The following HS3ST5 variants were observed in gnomAD, a reference collection of about 807,000 sequenced individuals.
HS3ST5 encodes heparan sulfate-glucosamine 3-sulfotransferase 5, also known as heparan sulfate glucosamine 3-O-sulfotransferase 5.
Under a neutral mutation model 25.4 loss-of-function variants are expected in HS3ST5, and 10 were observed. The ratio of observed to expected loss-of-function variants is 0.39; its 90% CI spans 0.24 to 0.67. HS3ST5 has a LOEUF of 0.67. Ranked by LOEUF, HS3ST5 falls within the 30% of genes least tolerant of loss-of-function variation. The pLI is 0.44. For synonymous variants in HS3ST5, 170 were observed against 162.4 expected, an observed-to-expected ratio of 1.05 and a Z score of -0.36; for missense variants, 324 against 420.7, an observed-to-expected ratio of 0.77 and a Z score of 2.01.
intron 1 of HS3ST5, among the ~76,000 whole-genome samples, chr6:114,292,551 G>A (rs1428542048): frequency 1.3e-5 from 2 of 152,088 alleles, no homozygotes; most frequent in Admixed American, 6.6e-5. Context: ...CACAGCAGAT[G>A]GATATTCAAA....
intron 2 of HS3ST5, among the ~76,000 whole-genome samples, chr6:114,182,527 T>C (rs1209540564): frequency 6.6e-6 from 1 of 152,148 alleles, no homozygotes; most frequent in Non-Finnish European, 1.5e-5. Flanking sequence ...TTTTCCTGTC[T>C]GCAAAAGGAG....
At chr6:114,341,765 TCCCAAAGCTG>T (rs1418529733) in intron 1 of HS3ST5, among the ~76,000 whole-genome samples, 2 of 151,896 alleles carry the variant, frequency 1.3e-5, no homozygotes, top group African/African-American at 4.8e-5. Context: ...GCCCCCACTG[TCCCAAAGCTG>T]CCCTCGCGCT....
intron 1 of HS3ST5, among the ~76,000 whole-genome samples, chr6:114,331,835 T>C (rs1776410110): frequency 6.6e-6 from 1 of 152,106 alleles, no homozygotes; most frequent in Admixed American, 6.5e-5. Flanking sequence ...AAGTTTTCCA[T>C]TTTGGTCATG....
At chr6:114,142,431 G>A (rs377531153) in intron 3 of HS3ST5, among the ~76,000 whole-genome samples, 2 of 152,118 alleles carry the variant, frequency 1.3e-5, no homozygotes, top group Middle Eastern at 3.2e-3. Flanking sequence ...CTCTGAATAC[G>A]GTCACGTGGC....
intron 1 of HS3ST5, among the ~76,000 whole-genome samples, chr6:114,312,591 T>C (rs1775575448): frequency 1.3e-5 from 2 of 152,230 alleles, no homozygotes; most frequent in East Asian, 3.9e-4. Context: ...TAAAGAAGAC[T>C]TGTTACAGAC....
chr6:114,299,702 C>T (rs926149921), intron 1 of HS3ST5, among the ~76,000 whole-genome samples: 1 of 152,106 alleles, frequency 6.6e-6, no homozygotes, highest in African/African-American at 2.4e-5. Context: ...GTAACACTAT[C>T]CAATAATTTA....
intron 3 of HS3ST5, among the ~76,000 whole-genome samples, chr6:114,128,079 CCTGAACTCA>C (rs1447359187): frequency 6.6e-6 from 1 of 151,882 alleles, no homozygotes. Flanking sequence ...CAGACTATAC[CCTGAACTCA>C]CTAAATCAGC....
intron 3 of HS3ST5, among the ~76,000 whole-genome samples, chr6:114,074,233 T>C (rs926061598): frequency 3.3e-5 from 5 of 151,738 alleles, no homozygotes; most frequent in African/African-American, 1.2e-4. Context: ...ACATGGCACA[T>C]GTATACCTAT....
chr6:114,282,743 A>G (rs1774172559), intron 1 of HS3ST5, among the ~76,000 whole-genome samples: 1 of 151,778 alleles, frequency 6.6e-6, no homozygotes, highest in South Asian at 2.1e-4. Flanking sequence ...CCTTTCTTCC[A>G]TTATTAAAGG....
intron 2 of HS3ST5, among the ~76,000 whole-genome samples, chr6:114,206,125 G>C (rs1781268471): frequency 6.6e-6 from 1 of 152,122 alleles, no homozygotes; most frequent in Non-Finnish European, 1.5e-5. Flanking sequence ...TATCACTCAG[G>C]AAATTCGAAC....
At chr6:114,160,483 T>C (rs1778895412) in intron 3 of HS3ST5, among the ~76,000 whole-genome samples, 1 of 152,116 alleles carries the variant, frequency 6.6e-6, no homozygotes, top group African/African-American at 2.4e-5. Context: ...CAACTACATT[T>C]AGAGAAAATA....
At chr6:114,079,835 G>A (rs899465073) in intron 3 of HS3ST5, among the ~76,000 whole-genome samples, 2 of 152,114 alleles carry the variant, frequency 1.3e-5, no homozygotes, top group African/African-American at 4.8e-5. Flanking sequence ...GCAATGGTGC[G>A]ATCTCAGCTC....
intron 2 of HS3ST5, among the ~76,000 whole-genome samples, chr6:114,173,225 C>T (rs779869732): frequency 2.0e-5 from 3 of 152,176 alleles, no homozygotes; most frequent in Non-Finnish European, 4.4e-5. Flanking sequence ...GGGAATTAAA[C>T]TTCCACAGAA....
intron 1 of HS3ST5, among the ~76,000 whole-genome samples, chr6:114,241,899 T>C (rs997833172): frequency 1.3e-5 from 2 of 152,228 alleles, no homozygotes; most frequent in African/African-American, 4.8e-5. Context: ...ATAATGACTA[T>C]GCAATTTAAA....
intron 2 of HS3ST5, among the ~76,000 whole-genome samples, chr6:114,222,509 C>T (rs1295626215): frequency 6.6e-6 from 1 of 151,902 alleles, no homozygotes; most frequent in East Asian, 1.9e-4. Flanking sequence ...CATCAGAACA[C>T]TCACATCAAG....
At chr6:114,280,957 T>C (rs2114737058) in intron 1 of HS3ST5, among the ~76,000 whole-genome samples, 1 of 152,160 alleles carries the variant, frequency 6.6e-6, no homozygotes, top group Non-Finnish European at 1.5e-5. Context: ...TCTGCTTCTT[T>C]AACATAAGAT....
chr6:114,327,861 C>T (rs1776234246), intron 1 of HS3ST5, among the ~76,000 whole-genome samples: 2 of 152,160 alleles, frequency 1.3e-5, no homozygotes, highest in African/African-American at 4.8e-5. Context: ...GTCATCTTCA[C>T]AATCCTTAAA....
At chr6:114,123,062 C>A (rs945138209) in intron 3 of HS3ST5, among the ~76,000 whole-genome samples, 6 of 152,190 alleles carry the variant, frequency 3.9e-5, no homozygotes, top group African/African-American at 1.4e-4. Flanking sequence ...AAGCGATTCT[C>A]CTGCCTCAGC....
intron 1 of HS3ST5, among the ~76,000 whole-genome samples, chr6:114,297,319 C>T (rs960612560): frequency 5.3e-5 from 8 of 152,128 alleles, no homozygotes; most frequent in East Asian, 1.9e-4. Context: ...GAGACAGGGA[C>T]GTACACAAGC....
Sources: gnomAD v4.1 joint callset for allele counts (sites outside exome capture counted in the v4.1 genomes callset) on GRCh38, gnomAD v4.1.1 for gene constraint, MANE v1.5 for transcripts, NCBI Gene and HGNC (gene_info 2026-07-23, HGNC 2026-07-21) for gene names.